Variants in EPHA3 observed in about 807,000 individuals in gnomAD.
The protein encoded by EPHA3 is ephrin type-A receptor 3.
A neutral mutation model predicts 107.1 loss-of-function variants in EPHA3; 42 were observed. The ratio of observed to expected loss-of-function variants is 0.39; its 90% CI spans 0.31 to 0.51. The LOEUF (loss-of-function observed/expected upper bound fraction) is 0.51, where lower values mean the gene tolerates loss of function less well. Ranked by LOEUF, EPHA3 falls within the 20% of genes least tolerant of loss-of-function variation. The probability of loss-of-function intolerance (pLI) is 0.78; values close to 1 mark genes in which losing one functional copy is unlikely to be tolerated. For synonymous variants in EPHA3, 461 were observed against 424.8 expected, an observed-to-expected ratio of 1.09 and a Z score of -1.05; for missense variants, 1,183 against 1,211.2, an observed-to-expected ratio of 0.98 and a Z score of 0.35.
chr3:89,257,509 G>T lies in EPHA3; in HGVS notation c.814+46989G>T, dbSNP rs150134088. On this transcript the variant is annotated intron_variant, in intron 3 of 16. Coordinates refer to ENST00000336596, the MANE Select transcript of EPHA3 (RefSeq NM_005233.6). ...TAGTTGATTCCTCATTTGAAGCAGA[G>T]AAAGTTTGAGGTGATTCTTGAGTAT... 4.9e-4 allele frequency among the ~76,000 whole-genome samples: 75 copies of T among 152,112 alleles called. No individual in the cohort carries two copies. In the Middle Eastern group the frequency reaches 0.014, roughly 28 times the overall value.
chr3:89,437,088 A>G (rs539031619), intron 13 of EPHA3, among the ~76,000 whole-genome samples: 27 of 152,282 alleles, frequency 1.8e-4, no homozygotes, highest in Non-Finnish European at 3.1e-4. Flanking sequence ...TATTATTATG[A>G]AAATAGTTTC....
In EPHA3 at chr3:89,365,896, G is replaced by A. The variant is rs568860763; in HGVS notation, c.1306+23806G>A. On this transcript the variant is annotated intron_variant, in intron 5 of 16. Transcript: ENST00000336596. ...ATTTTTTCTTCATTTTATAGGTAGC[G>A]GTGCTTGTGTATGATATAGATGGTT... 5.3e-5 allele frequency among the ~76,000 whole-genome samples: 8 copies of A among 150,756 alleles called. No individual in the cohort carries two copies. In the South Asian group the frequency reaches 8.3e-4, roughly 16 times the overall value.
At chr3:89,174,459 T>C (rs796515171) in intron 2 of EPHA3, among the ~76,000 whole-genome samples, 31 of 152,084 alleles carry the variant, frequency 2.0e-4, no homozygotes, top group African/African-American at 7.0e-4. Flanking sequence ...TGTTAGTAGA[T>C]TGGGTCTCTT....
intron 3 of EPHA3, among the ~76,000 whole-genome samples, chr3:89,252,073 A>C (rs1285750815): frequency 1.3e-5 from 2 of 152,230 alleles, no homozygotes; most frequent in African/African-American, 4.8e-5. Context: ...GGAATAATAA[A>C]TTATAAAGGA....
At chr3:89,435,399 A>C (rs1709647171) in intron 13 of EPHA3, among the ~76,000 whole-genome samples, 1 of 149,606 alleles carries the variant, frequency 6.7e-6, no homozygotes, top group Non-Finnish European at 1.5e-5. Context: ...CAGGAGTTTG[A>C]GACCAGCCTG....
At chr3:89,211,065 A>G (rs1704064607) in intron 3 of EPHA3, among the ~76,000 whole-genome samples, 1 of 152,110 alleles carries the variant, frequency 6.6e-6, no homozygotes, top group African/African-American at 2.4e-5. Context: ...AAAAATCCAG[A>G]GCTGATGCTT....
chr3:89,108,516 G>T (rs545958594), intron 1 of EPHA3, among the ~76,000 whole-genome samples: 26 of 152,336 alleles, frequency 1.7e-4, no homozygotes, highest in South Asian at 8.3e-4. Flanking sequence ...ACAAATAGGA[G>T]AATGTATTTA....
intron 3 of EPHA3, among the ~76,000 whole-genome samples, chr3:89,253,577 A>T (rs1408115223): frequency 1.3e-5 from 2 of 152,176 alleles, no homozygotes; most frequent in East Asian, 3.9e-4. Flanking sequence ...GGTGGAGGTC[A>T]GTTGTCTAAT....
At chr3:89,450,155 G>A (rs2107554666) in intron 14 of EPHA3, 22 bp from the exon 15 acceptor site, 1 of 1,536,318 alleles carries the variant, frequency 6.5e-7, no homozygotes, top group African/African-American at 1.4e-5. Flanking sequence ...CCTGGTTCCT[G>A]AAAACTTTGC....
At chr3:89,385,367 G>T (rs1708594513) in intron 5 of EPHA3, among the ~76,000 whole-genome samples, 1 of 152,190 alleles carries the variant, frequency 6.6e-6, no homozygotes, top group Non-Finnish European at 1.5e-5. Context: ...CCAGTGGGAG[G>T]TAATTGAATC....
intron 3 of EPHA3, among the ~76,000 whole-genome samples, chr3:89,242,102 G>C (rs1209933290): frequency 2.0e-5 from 3 of 152,146 alleles, no homozygotes; most frequent in African/African-American, 7.2e-5. Context: ...GGAAATACAC[G>C]GTTGGCAGAG....
intron 13 of EPHA3, among the ~76,000 whole-genome samples, chr3:89,448,677 A>G (rs947049019): frequency 6.6e-6 from 1 of 152,180 alleles, no homozygotes; most frequent in African/African-American, 2.4e-5. Flanking sequence ...TAAATTAATC[A>G]AGATGATTAT....
At chr3:89,158,428 TA>T (rs1005240288) in intron 2 of EPHA3, among the ~76,000 whole-genome samples, 1 of 152,080 alleles carries the variant, frequency 6.6e-6, no homozygotes, top group African/African-American at 2.4e-5. Context: ...CACTGTCTAT[TA>T]AAAGGAATGA....
chr3:89,456,378 C>T (rs979932049), intron 15 of EPHA3, among the ~76,000 whole-genome samples: 2 of 152,024 alleles, frequency 1.3e-5, no homozygotes, highest in Non-Finnish European at 2.9e-5. Context: ...AAAACAACAT[C>T]ATTCTGATAG....
At chr3:89,111,517 C>T (rs886170829) in intron 1 of EPHA3, among the ~76,000 whole-genome samples, 3 of 138,678 alleles carry the variant, frequency 2.2e-5, no homozygotes, top group Admixed American at 8.0e-5. Context: ...ATCCCCCCCC[C>T]ACCCCGCCTC....
At chr3:89,264,743 A>G (rs555256298) in intron 3 of EPHA3, among the ~76,000 whole-genome samples, 1 of 152,288 alleles carries the variant, frequency 6.6e-6, no homozygotes, top group East Asian at 1.9e-4. Context: ...CTCAGGAAAT[A>G]TTTATTGAAT....
At position 89,143,459 on chromosome 3, in the gene EPHA3, G is replaced by T. The variant is rs145823929; in HGVS notation, c.153+16186G>T. On this transcript the variant is annotated intron_variant, in intron 2 of 16. Transcript: ENST00000336596. ...AACAAGTCTTACCCACAAGGACCAA[G>T]TATACTAGTGTGTTTTGTCTTGTTC... 1.5e-3 allele frequency among the ~76,000 whole-genome samples: 230 copies of T among 151,570 alleles called. 1 individual carries two copies. Among genetic ancestry groups the T allele is most frequent in the African/African-American group, 5.4e-3 (222 of 41,442 alleles).
intron 3 of EPHA3, among the ~76,000 whole-genome samples, chr3:89,266,118 T>A (rs1485115850): frequency 6.6e-6 from 1 of 152,106 alleles, no homozygotes; most frequent in Non-Finnish European, 1.5e-5. Context: ...ACCAAGACAC[T>A]CTAAACTCAT....
intron 13 of EPHA3, among the ~76,000 whole-genome samples, chr3:89,433,206 C>A (rs1188553225): frequency 3.9e-5 from 6 of 152,050 alleles, no homozygotes. Flanking sequence ...ATGGCAGTAT[C>A]TTTCTCCATA....
Sources: gnomAD v4.1 joint callset for allele counts (sites outside exome capture counted in the v4.1 genomes callset) on GRCh38, gnomAD v4.1.1 for gene constraint, MANE v1.5 for transcripts, NCBI Gene and HGNC (gene_info 2026-07-23, HGNC 2026-07-21) for gene names.